The following AP1G1 variants were observed in gnomAD, a reference collection of about 807,000 sequenced individuals.
AP1G1 encodes adaptor related protein complex 1 subunit gamma 1.
A neutral mutation model predicts 108.3 loss-of-function variants in AP1G1; 7 were observed. That is an observed-to-expected ratio of 0.06 (90% CI 0.04 to 0.12). AP1G1 has a LOEUF of 0.12. Among genes scored for constraint, AP1G1 ranks in the 10% least tolerant of loss-of-function variants. The probability of loss-of-function intolerance (pLI) is 1.00; values close to 1 mark genes in which losing one functional copy is unlikely to be tolerated. For synonymous variants in AP1G1, 379 were observed against 353.5 expected (o/e 1.07, Z -0.81); for missense variants, 756 against 1,010.7 (o/e 0.75, Z 3.42).
intron 1 of AP1G1, chr16:71,808,364 G>A: frequency 1.2e-6 from 1 of 851,250 alleles, no homozygotes. Flanking sequence ...GACCTGACAC[G>A]GGTACAAGAC....
At chr16:71,740,178 C>T (rs571478609) in intron 19 of AP1G1, among the ~76,000 whole-genome samples, 36 of 152,318 alleles carry the variant, frequency 2.4e-4, no homozygotes, top group Non-Finnish European at 4.1e-4. Flanking sequence ...TATCCTTAAA[C>T]TGAGGTTTCT....
chr16:71,753,568 C>T, intron 13 of AP1G1: 2 of 436,894 alleles, frequency 4.6e-6, no homozygotes, highest in East Asian at 4.4e-5. Context: ...TAGGTCTCTA[C>T]TCAAATGTTA....
At chr16:71,789,148 C>T in intron 2 of AP1G1, 131 bp downstream of exon 2, 1 of 832,766 alleles carries the variant, frequency 1.2e-6, no homozygotes, top group Non-Finnish European at 1.9e-6. Flanking sequence ...CTCTCTCAAT[C>T]TTACCCTCAG....
Position 71,755,482 on chromosome 16 carries a change from A to G in AP1G1, c.1229+537T>C, listed in dbSNP as rs1372461933. Among the ~76,000 whole-genome samples, 5 of 152,344 alleles carry G rather than the reference A, an allele frequency of 3.3e-5. No individual in the cohort carries two copies. In the South Asian group the frequency reaches 1.0e-3, roughly 32 times the overall value. ...AAACCAGCATCATAGATGAGAGGTT[A>G]AAGAACAGATAAAGGAGAAGATTTC... On this transcript the variant is annotated intron_variant, in intron 12 of 22. Transcript: ENST00000299980.
At chr16:71,763,352 A>T (rs1193992661) in intron 9 of AP1G1, among the ~76,000 whole-genome samples, 1 of 152,212 alleles carries the variant, frequency 6.6e-6, no homozygotes, top group East Asian at 1.9e-4. Context: ...GTTGCCAGGG[A>T]CTACAGATAG....
intron 1 of AP1G1, among the ~76,000 whole-genome samples, chr16:71,803,456 C>G (rs1365319391): frequency 6.6e-6 from 1 of 152,016 alleles, no homozygotes; most frequent in African/African-American, 2.4e-5. Context: ...CATCCTAAAC[C>G]TTGCCCTTTT....
rs2030415926 is a variant in AP1G1, at chr16:71,750,284, T to C, written c.1333A>G (p.Ile445Val). 10 of 1,614,024 alleles carry C rather than the reference T, an allele frequency of 6.2e-6. No individual in the cohort carries two copies. The highest frequency in any genetic ancestry group is 8.5e-6 in the Non-Finnish European group (10 of 1,180,002). ...GCATGCATCTCCACACTATTAGTTA[T>C]TAACTGGATTAAATTGGGGACTGCA... Reference protein sequence around the residue: ...DDAVPNLIQLITNSVEMHAYT... With the variant: ...DDAVPNLIQLVTNSVEMHAYT... Residue 445 changes from isoleucine (I) to valine (V), a missense_variant, in exon 14 of 23, where the codon ATA becomes GTA. Transcript: ENST00000299980.
Position 71,808,418 on chromosome 16 carries a change from G to A in AP1G1, c.-4+345C>T. The A allele has an allele frequency of 3.5e-6, 4 of 1,133,818 alleles. No individual in the cohort carries two copies. The South Asian group carries it at 6.2e-5, about 18-fold the overall frequency. 70.2% of individuals were successfully genotyped at this position (1,133,818 alleles called of 1,614,324 possible). On this transcript the variant is annotated intron_variant, in intron 1 of 22. Transcript: ENST00000299980. ...GGCTCAGAGAAGACACGCGGGGGTG[G>A]GGCCCGCCCCGCTAAACCCCAGGCT...
At chr16:71,755,268 G>A (rs1052435556) in intron 12 of AP1G1, among the ~76,000 whole-genome samples, 1 of 151,828 alleles carries the variant, frequency 6.6e-6, no homozygotes, top group African/African-American at 2.4e-5. Context: ...TCTACAAAAA[G>A]AAAAAAACAA....
chr16:71,784,059 C>G (rs954213162), intron 2 of AP1G1, among the ~76,000 whole-genome samples: 3 of 152,262 alleles, frequency 2.0e-5, no homozygotes, highest in Admixed American at 2.0e-4. Context: ...GATACTGTCT[C>G]TTACATTATT....
At chr16:71,773,112 GA>G in intron 4 of AP1G1, 108 bp downstream of exon 4, 1 of 1,226,444 alleles carries the variant, frequency 8.2e-7, no homozygotes, top group Non-Finnish European at 1.2e-6. Context: ...TTACTACACA[GA>G]AAAAATGACT....
At chr16:71,760,868 T>C (rs1014620168) in intron 10 of AP1G1, among the ~76,000 whole-genome samples, 14 of 152,106 alleles carry the variant, frequency 9.2e-5, no homozygotes, top group Non-Finnish European at 2.1e-4. Context: ...TCATGTTTAA[T>C]ACAAGAAAAA....
chr16:71,803,575 C>G (rs2032885466), intron 1 of AP1G1, among the ~76,000 whole-genome samples: 1 of 152,122 alleles, frequency 6.6e-6, no homozygotes, highest in African/African-American at 2.4e-5. Flanking sequence ...AACCAAAACT[C>G]ATGCCATATT....
chr16:71,769,064 C>A (rs1012833357), intron 6 of AP1G1, among the ~76,000 whole-genome samples: 1 of 148,258 alleles, frequency 6.7e-6, no homozygotes, highest in Admixed American at 6.7e-5. Context: ...GGGCTGATCA[C>A]CTGAGGTCAG....
At chr16:71,743,797 T>C (rs1031609917) in intron 19 of AP1G1, among the ~76,000 whole-genome samples, 2 of 149,768 alleles carry the variant, frequency 1.3e-5, no homozygotes, top group African/African-American at 4.9e-5. Flanking sequence ...ACTACAAAAA[T>C]TAGCCAGGCG....
At chr16:71,752,502 T>A (rs561794942) in intron 13 of AP1G1, among the ~76,000 whole-genome samples, 1 of 152,172 alleles carries the variant, frequency 6.6e-6, no homozygotes, top group Admixed American at 6.5e-5. Context: ...GATATAATTT[T>A]CTCCCTACAG....
chr16:71,797,707 G>A (rs1399953546), intron 1 of AP1G1, among the ~76,000 whole-genome samples: 1 of 152,124 alleles, frequency 6.6e-6, no homozygotes, highest in Admixed American at 6.5e-5. Context: ...GCTGAGGCAG[G>A]AGAATCGCTT....
intron 2 of AP1G1, among the ~76,000 whole-genome samples, chr16:71,787,786 G>T (rs2032260738): frequency 6.6e-6 from 1 of 152,162 alleles, no homozygotes; most frequent in African/African-American, 2.4e-5. Context: ...AAACATCAGA[G>T]CCTCAGGGTT....
rs895393809 is a variant in AP1G1 at position 71,808,812 on chromosome 16, G to C, written c.-53C>G. The C allele has an allele frequency of 1.6e-6, 2 of 1,289,744 alleles. No homozygotes were observed. Among genetic ancestry groups the C allele is most frequent in the Middle Eastern group, 2.1e-4 (1 of 4,696 alleles). 79.9% of individuals were successfully genotyped at this position (1,289,744 alleles called of 1,614,324 possible). ...AGCAGCTCCGGGGGCGGCGGCAGCA[G>C]TGGCAGCAGGAACCGAACATCCAAA... On this transcript the variant is annotated 5_prime_UTR_variant, in exon 1 of 23. Coordinates refer to ENST00000299980, the MANE Select transcript of AP1G1 (RefSeq NM_001128.6).
Sources: allele counts gnomAD v4.1 joint callset (sites outside exome capture counted in the v4.1 genomes callset), GRCh38; gene constraint gnomAD v4.1.1; transcripts MANE v1.5; gene names NCBI Gene and HGNC (gene_info 2026-07-23, HGNC 2026-07-21).